The following FBXL17 variants were observed in gnomAD, a reference collection of about 807,000 sequenced individuals.
FBXL17 encodes F-box/LRR-repeat protein 17.
In FBXL17, 22 loss-of-function variants were observed where a neutral mutation model predicts 66.2. That is an observed-to-expected ratio of 0.33 (90% CI 0.24 to 0.47). The LOEUF (loss-of-function observed/expected upper bound fraction) is 0.47. Among genes scored for constraint, FBXL17 ranks in the 20% least tolerant of loss-of-function variants. The pLI, the probability that FBXL17 is intolerant of heterozygous loss-of-function variation, is 1.00. For synonymous variants in FBXL17, 474 were observed against 400.5 expected (o/e 1.18, Z -2.19); for missense variants, 878 against 948.2 (o/e 0.93, Z 0.97).
chr5:107,967,620 T>C (rs1274264989), intron 7 of FBXL17, among the ~76,000 whole-genome samples: 2 of 151,670 alleles, frequency 1.3e-5, no homozygotes, highest in Non-Finnish European at 2.9e-5. Flanking sequence ...ACACGGTGCA[T>C]GTATACATAT....
chr5:108,245,293 C>T (rs1756043565), intron 4 of FBXL17, among the ~76,000 whole-genome samples: 1 of 151,966 alleles, frequency 6.6e-6, no homozygotes, highest in Non-Finnish European at 1.5e-5. Context: ...GGAGAAAATG[C>T]TTCCCAAGAT....
Position 108,077,978 on chromosome 5 carries a change from C to T in FBXL17, c.1746-56977G>A, listed in dbSNP as rs182005237. 1.8e-3 allele frequency among the ~76,000 whole-genome samples: 276 copies of T among 152,266 alleles called. 1 individual carries two copies. Among genetic ancestry groups the T allele is most frequent in the Middle Eastern group, 3.4e-3 (1 of 294 alleles). Reference sequence around the variant, plus strand: ...CTTCATGTCTGTTTTGCTGTATAGGCTACTCAGAAAGTTCACTTAAACACC... The same window carrying T: ...CTTCATGTCTGTTTTGCTGTATAGGTTACTCAGAAAGTTCACTTAAACACC... On this transcript the variant is annotated intron_variant, in intron 6 of 8. Coordinates refer to ENST00000542267, the MANE Select transcript of FBXL17 (RefSeq NM_001163315.3).
chr5:107,912,527 A>T (rs965799757), intron 7 of FBXL17, among the ~76,000 whole-genome samples: 1 of 152,204 alleles, frequency 6.6e-6, no homozygotes, highest in African/African-American at 2.4e-5. Flanking sequence ...GATGAATCTC[A>T]GGGAATACTG....
At chr5:108,157,724 A>T (rs1014038433) in intron 6 of FBXL17, among the ~76,000 whole-genome samples, 3 of 151,840 alleles carry the variant, frequency 2.0e-5, no homozygotes, top group South Asian at 2.1e-4. Flanking sequence ...AGAAAATATT[A>T]AAAAAAACTG....
intron 7 of FBXL17, among the ~76,000 whole-genome samples, chr5:107,966,705 T>C (rs953876196): frequency 6.6e-6 from 1 of 152,154 alleles, no homozygotes; most frequent in Non-Finnish European, 1.5e-5. Flanking sequence ...AAATTGGCCA[T>C]GTTAACTGTT....
chr5:107,938,248 A>G (rs1750974709), intron 7 of FBXL17, among the ~76,000 whole-genome samples: 1 of 152,034 alleles, frequency 6.6e-6, no homozygotes, highest in African/African-American at 2.4e-5. Flanking sequence ...AACCCAGTGA[A>G]GTACTGTTCA....
At chr5:108,224,086 C>G in intron 5 of FBXL17, 35 bp downstream of exon 5, 1 of 1,180,726 alleles carries the variant, frequency 8.5e-7, no homozygotes, top group Middle Eastern at 1.9e-4. Context: ...GTATGATACT[C>G]AAAAATACCA....
At chr5:108,106,138 G>A (rs1749787099) in intron 6 of FBXL17, among the ~76,000 whole-genome samples, 3 of 152,028 alleles carry the variant, frequency 2.0e-5, no homozygotes, top group Admixed American at 6.6e-5. Flanking sequence ...CCATACCAGA[G>A]GTACCATCTC....
intron 7 of FBXL17, among the ~76,000 whole-genome samples, chr5:107,992,713 C>T (rs1384512888): frequency 6.6e-6 from 1 of 152,148 alleles, no homozygotes; most frequent in Non-Finnish European, 1.5e-5. Context: ...GTATCCAACA[C>T]CTAGCTGCAA....
intron 6 of FBXL17, among the ~76,000 whole-genome samples, chr5:108,029,986 T>A (rs546592960): frequency 9.9e-4 from 151 of 152,250 alleles, no homozygotes; most frequent in Non-Finnish European, 1.8e-3. Flanking sequence ...CTTTCTAAAC[T>A]GTTTAATAAT....
In FBXL17 at chr5:108,381,446, G is replaced by C. The variant is rs1158222082; in HGVS notation, c.246C>G (p.Leu82=). The C allele has an allele frequency of 1.4e-5, 18 of 1,315,864 alleles. No individual in the cohort carries two copies. The highest frequency in any genetic ancestry group is 1.6e-5 in the Non-Finnish European group (17 of 1,040,298). 81.5% of individuals were successfully genotyped at this position (1,315,864 alleles called of 1,614,324 possible). The change falls in exon 1 of 9, where the codon CTC becomes CTG. Residue 82 remains leucine (L), a synonymous_variant. Transcript: ENST00000542267. ...APAGPEEEPP[L]SPPPRDGAYA... The stretch of plus-strand genomic sequence containing the variant: ...AGGCCCCGTCCCGCGGCGGCGGCGA[G>C]AGCGGCGGCTCCTCCTCTGGGCCGG...
intron 6 of FBXL17, among the ~76,000 whole-genome samples, chr5:108,150,083 T>C (rs1383211992): frequency 6.6e-6 from 1 of 152,190 alleles, no homozygotes; most frequent in Non-Finnish European, 1.5e-5. Context: ...TCATCATACA[T>C]TTTTCTTTGC....
chr5:108,028,952 TA>T (rs1432717611), intron 6 of FBXL17, among the ~76,000 whole-genome samples: 3 of 152,156 alleles, frequency 2.0e-5, no homozygotes, highest in Admixed American at 6.6e-5. Flanking sequence ...AGACGGTACC[TA>T]ATTTGATGCC....
intron 4 of FBXL17, among the ~76,000 whole-genome samples, chr5:108,305,488 G>C (rs997593569): frequency 6.7e-6 from 1 of 150,304 alleles, no homozygotes; most frequent in East Asian, 1.9e-4. Context: ...GTTGAAGGGG[G>C]AAAAAAAAAG....
Position 108,021,105 on chromosome 5 carries a change from T to C in FBXL17, c.1746-104A>G, listed in dbSNP as rs1052209202. ...AGTATTTGGTGAATGCCACAGCTTC[T>C]TTAATGGTGTTTCAGGAAAGGTATT... On this transcript the variant is annotated intron_variant, in intron 6 of 8. Coordinates refer to ENST00000542267, the MANE Select transcript of FBXL17 (RefSeq NM_001163315.3). 8 of 732,904 alleles carry C rather than the reference T, an allele frequency of 1.1e-5. No homozygotes were observed. The African/African-American group carries it at 1.2e-4, about 11-fold the overall frequency. 45.4% of individuals were successfully genotyped at this position (732,904 alleles called of 1,614,324 possible). A position where few individuals can be genotyped will look rare whatever the true frequency, so the allele number is the denominator to read the frequency against.
At chr5:108,165,683 T>C (rs536450704) in intron 6 of FBXL17, among the ~76,000 whole-genome samples, 1 of 152,170 alleles carries the variant, frequency 6.6e-6, no homozygotes, top group Non-Finnish European at 1.5e-5. Flanking sequence ...AGTTTCAAAA[T>C]AGCAAAATAT....
chr5:108,041,379 C>T (rs2112803822), intron 6 of FBXL17, among the ~76,000 whole-genome samples: 1 of 152,148 alleles, frequency 6.6e-6, no homozygotes, highest in Middle Eastern at 3.4e-3. Context: ...AATTGCTTAC[C>T]TTTGACACTA....
chr5:108,042,010 C>T (rs528544360), intron 6 of FBXL17, among the ~76,000 whole-genome samples: 1 of 152,214 alleles, frequency 6.6e-6, no homozygotes, highest in Admixed American at 6.5e-5. Context: ...ACTCTCCTGC[C>T]TCAACCTCCC....
intron 5 of FBXL17, among the ~76,000 whole-genome samples, chr5:108,200,341 G>A (rs1036690089): frequency 1.7e-4 from 26 of 152,122 alleles, no homozygotes; most frequent in African/African-American, 5.5e-4. Context: ...TGGTTCTGAG[G>A]GCAAGCAGCA....
Sources: gnomAD v4.1 joint callset for allele counts (sites outside exome capture counted in the v4.1 genomes callset) on GRCh38, gnomAD v4.1.1 for gene constraint, MANE v1.5 for transcripts, NCBI Gene and HGNC (gene_info 2026-07-23, HGNC 2026-07-21) for gene names.